Variants in GLG1 observed in about 807,000 individuals in gnomAD.
GLG1 encodes the protein golgi glycoprotein 1.
Under a neutral mutation model 160.5 loss-of-function variants are expected in GLG1, and 38 were observed. That is an observed-to-expected ratio of 0.24 (90% CI 0.18 to 0.31). GLG1 has a LOEUF of 0.31. Among genes scored for constraint, GLG1 ranks in the 10% least tolerant of loss-of-function variants. GLG1 has a pLI of 1.00. For synonymous variants in GLG1, 644 were observed against 543.4 expected, an observed-to-expected ratio of 1.19 and a Z score of -2.57; for missense variants, 1,373 against 1,505.2, an observed-to-expected ratio of 0.91 and a Z score of 1.45.
At chr16:74,575,245 G>GAA (rs776837754) in intron 1 of GLG1, among the ~76,000 whole-genome samples, 1 of 151,538 alleles carries the variant, frequency 6.6e-6, no homozygotes, top group Non-Finnish European at 1.5e-5. Flanking sequence ...GACTCCATCT[G>GAA]AAAAAAAGAA....
chr16:74,571,102 C>T (rs1398822400), intron 1 of GLG1, among the ~76,000 whole-genome samples: 3 of 151,988 alleles, frequency 2.0e-5, no homozygotes, highest in East Asian at 1.9e-4. Flanking sequence ...TTGTCCTTTC[C>T]GTATTGATTT....
Position 74,508,939 on chromosome 16 carries a change from G to GAA in GLG1, c.472-16_472-15dup, listed in dbSNP as rs747561084. On this transcript the variant is annotated splice_polypyrimidine_tract_variant and intron_variant, in intron 2 of 25. Coordinates refer to ENST00000422840, the MANE Select transcript of GLG1 (RefSeq NM_001145667.2). ...ATTCCACAACAACTAGATAGGAGAGGAAAAAAAAAAACAAAGAAAAACTCC... is the reference window on the plus strand; with the variant it reads ...ATTCCACAACAACTAGATAGGAGAGGAAAAAAAAAAAAACAAAGAAAAACTCC... 1.4e-4 allele frequency: 113 copies of GAA among 821,648 alleles called. No individual in the cohort carries two copies. The highest frequency in any genetic ancestry group is 2.6e-4 in the Middle Eastern group (1 of 3,918). 50.9% of individuals were successfully genotyped at this position (821,648 alleles called of 1,614,324 possible).
chr16:74,556,483 C>T (rs1222689627), intron 1 of GLG1, among the ~76,000 whole-genome samples: 1 of 151,862 alleles, frequency 6.6e-6, no homozygotes, highest in Non-Finnish European at 1.5e-5. Context: ...ACAAAATAAT[C>T]TAATACACTC....
At chr16:74,542,142 T>C (rs1201756471) in intron 1 of GLG1, among the ~76,000 whole-genome samples, 1 of 149,970 alleles carries the variant, frequency 6.7e-6, no homozygotes, top group African/African-American at 2.5e-5. Context: ...GAAAAGCACA[T>C]GAACCATCTG....
chr16:74,547,815 C>T (rs2018090732), intron 1 of GLG1, among the ~76,000 whole-genome samples: 1 of 152,246 alleles, frequency 6.6e-6, no homozygotes, highest in Non-Finnish European at 1.5e-5. Context: ...GGGATCATTT[C>T]CACTGTCTCT....
chr16:74,449,907 T>C lies in GLG1; in HGVS notation c.*3260A>G. 6.6e-6 allele frequency: 1 copy of C among 152,386 alleles called. No homozygotes were observed. 9.4% of individuals were successfully genotyped at this position (152,386 alleles called of 1,614,324 possible). On this transcript the variant is annotated 3_prime_UTR_variant, in exon 26 of 26. Coordinates refer to ENST00000422840, the MANE Select transcript of GLG1 (RefSeq NM_001145667.2). ...AATGGAAGTCCAACATGCACCCAGG[T>C]GAAGGCCTCACAGAGCTCCCCATCT...
rs138464136 is a variant in GLG1 at position 74,488,325 on chromosome 16, T to A, written c.1450-2408A>T. Reference sequence around the variant, plus strand: ...GGGAGGCCAAAACGGGCAGACTGCTTGAGCCCAGTAGTTTGAGAACAGCCT... The same window carrying A: ...GGGAGGCCAAAACGGGCAGACTGCTAGAGCCCAGTAGTTTGAGAACAGCCT... On this transcript the variant is annotated intron_variant, in intron 8 of 25. Coordinates refer to ENST00000422840, the MANE Select transcript of GLG1 (RefSeq NM_001145667.2). Among the ~76,000 whole-genome samples, 863 of 152,168 alleles carry A rather than the reference T, an allele frequency of 5.7e-3. 4 individuals carry two copies. The highest frequency in any genetic ancestry group is 0.014 in the Middle Eastern group (4 of 294).
intron 2 of GLG1, among the ~76,000 whole-genome samples, chr16:74,524,500 T>A (rs1448557855): frequency 1.3e-5 from 2 of 152,146 alleles, no homozygotes; most frequent in Non-Finnish European, 2.9e-5. Context: ...TGTTAAAGAA[T>A]TATGGTATTT....
Position 74,607,024 on chromosome 16 carries a change from G to A in GLG1, c.71C>T (p.Ala24Val), listed in dbSNP as rs763349183. ...GCCGGGGAGTTTCTCGGCCCCGGCC[G>A]CGAATAGCAGCAGCAGATGCAGCGC... Reference protein sequence around the residue: ...SAALHLLLLFAAGAEKLPGQG... With the variant: ...SAALHLLLLFVAGAEKLPGQG... Residue 24 changes from alanine to valine, a missense_variant, in exon 1 of 26, where the codon GCG (alanine) becomes GTG (valine). Physicochemically the swap from Ala to Val is moderately conservative, Grantham distance 64 (BLOSUM62 0). Coordinates refer to ENST00000422840, the MANE Select transcript of GLG1 (RefSeq NM_001145667.2). 2.5e-6 allele frequency: 4 copies of A among 1,597,822 alleles called. No individual in the cohort carries two copies. Among genetic ancestry groups the A allele is most frequent in the East Asian group, 2.3e-5 (1 of 44,302 alleles).
At position 74,606,645 on chromosome 16, in the gene GLG1, C is replaced by G; in HGVS notation, c.438+12G>C. The G allele has an allele frequency of 1.9e-6, 3 of 1,542,364 alleles. No individual in the cohort carries two copies. Among genetic ancestry groups the G allele is most frequent in the Non-Finnish European group, 2.6e-6 (3 of 1,141,778 alleles). On this transcript the variant is annotated intron_variant, in intron 1 of 25. Transcript: ENST00000422840. Reference sequence around the variant, plus strand: ...CAGGCCTGGCCCTCCCGGCTTCGTCCCACCTCCTCACCTCCCTCACATCCT... The same window carrying G: ...CAGGCCTGGCCCTCCCGGCTTCGTCGCACCTCCTCACCTCCCTCACATCCT...
chr16:74,579,009 GAAC>G (rs1476814602), intron 1 of GLG1, among the ~76,000 whole-genome samples: 1 of 152,148 alleles, frequency 6.6e-6, no homozygotes, highest in Non-Finnish European at 1.5e-5. Context: ...TTGGAATCCT[GAAC>G]AACAAGGTTC....
At chr16:74,595,320 A>G (rs1958273351) in intron 1 of GLG1, among the ~76,000 whole-genome samples, 1 of 148,812 alleles carries the variant, frequency 6.7e-6, no homozygotes, top group African/African-American at 2.5e-5. Flanking sequence ...GGCAGATCAC[A>G]AGGTCAGGAG....
rs1388907209 is a variant in GLG1, at chr16:74,554,395, G to A, written c.439-22242C>T. On this transcript the variant is annotated intron_variant, in intron 1 of 25. Transcript: ENST00000422840. ...CTAAAAATACAAAAATTAGCTAGGCGCGGTGGTGGGCGCCTGTAACCCCAG... is the reference window on the plus strand; with the variant it reads ...CTAAAAATACAAAAATTAGCTAGGCACGGTGGTGGGCGCCTGTAACCCCAG... Among the ~76,000 whole-genome samples, 10 of 152,304 alleles carry A rather than the reference G, an allele frequency of 6.6e-5. No homozygotes were observed. The East Asian group carries it at 1.2e-3, about 18-fold the overall frequency.
intron 1 of GLG1, among the ~76,000 whole-genome samples, chr16:74,600,344 G>A (rs549211173): frequency 6.6e-6 from 1 of 151,938 alleles, no homozygotes; most frequent in Admixed American, 6.6e-5. Flanking sequence ...AGTGAGCCAT[G>A]ATCATGCCAC....
At chr16:74,520,092 T>C (rs1335603110) in intron 2 of GLG1, among the ~76,000 whole-genome samples, 2 of 152,250 alleles carry the variant, frequency 1.3e-5, no homozygotes, top group South Asian at 2.1e-4. Flanking sequence ...TCAATCTCTT[T>C]ACTAGAAATG....
At chr16:74,598,187 A>G (rs532010319) in intron 1 of GLG1, among the ~76,000 whole-genome samples, 3 of 152,316 alleles carry the variant, frequency 2.0e-5, no homozygotes, top group Admixed American at 6.5e-5. Flanking sequence ...TTGAACACTG[A>G]GCAGTGTCTT....
chr16:74,485,783 G>A lies in GLG1; in HGVS notation c.1571+13C>T. 2 of 1,609,030 alleles carry A rather than the reference G, an allele frequency of 1.2e-6. No individual in the cohort carries two copies. Among genetic ancestry groups the A allele is most frequent in the Non-Finnish European group, 1.7e-6 (2 of 1,176,552 alleles). Reference sequence around the variant, plus strand: ...ATACAATATGGATAAATACCATGGAGAAGATAACTTACATTGGGTCTCCAG... The same window carrying A: ...ATACAATATGGATAAATACCATGGAAAAGATAACTTACATTGGGTCTCCAG... On this transcript the variant is annotated intron_variant, in intron 9 of 25. Coordinates refer to ENST00000422840, the MANE Select transcript of GLG1 (RefSeq NM_001145667.2).
intron 12 of GLG1, among the ~76,000 whole-genome samples, chr16:74,475,299 GATA>G (rs1268296358): frequency 1.3e-5 from 2 of 151,426 alleles, no homozygotes; most frequent in African/African-American, 4.9e-5. Flanking sequence ...TCTGTGCTTT[GATA>G]ATTTCTCATC....
chr16:74,576,775 A>T (rs754128206), intron 1 of GLG1, among the ~76,000 whole-genome samples: 7 of 152,196 alleles, frequency 4.6e-5, no homozygotes, highest in Non-Finnish European at 1.0e-4. Context: ...TGAAGAAAAA[A>T]TTTTTATTGT....
Sources: allele counts gnomAD v4.1 joint callset (sites outside exome capture counted in the v4.1 genomes callset), GRCh38; gene constraint gnomAD v4.1.1; transcripts MANE v1.5; gene names NCBI Gene and HGNC (gene_info 2026-07-23, HGNC 2026-07-21).